The following RCAN2 variants were observed in gnomAD, a reference collection of about 807,000 sequenced individuals.
RCAN2 encodes calcipressin-2.
Under a neutral mutation model 23.6 loss-of-function variants are expected in RCAN2, and 9 were observed. That is an observed-to-expected ratio of 0.38 (90% CI 0.23 to 0.67). The LOEUF (loss-of-function observed/expected upper bound fraction) is 0.67, where lower values mean the gene tolerates loss of function less well. RCAN2 is among the 30% of genes least tolerant of loss of function. RCAN2 has a pLI of 0.51. For missense variants in RCAN2, 273 were observed against 302.3 expected (o/e 0.90, Z 0.72); for synonymous variants, 109 against 115.7 (o/e 0.94, Z 0.37).
chr6:46,448,545 A>G (rs1767780209), intron 2 of RCAN2, among the ~76,000 whole-genome samples: 1 of 151,910 alleles, frequency 6.6e-6, no homozygotes, highest in Non-Finnish European at 1.5e-5. Flanking sequence ...TTATAGACCA[A>G]TATCCCTAAT....
chr6:46,414,528 A>G (rs2150409329), intron 2 of RCAN2, among the ~76,000 whole-genome samples: 1 of 152,302 alleles, frequency 6.6e-6, no homozygotes, highest in African/African-American at 2.4e-5. Flanking sequence ...TGTTTTTGTG[A>G]ACATATTTTT....
chr6:46,243,104 G>A (rs560260551), intron 4 of RCAN2, among the ~76,000 whole-genome samples: 1 of 152,202 alleles, frequency 6.6e-6, no homozygotes, highest in Non-Finnish European at 1.5e-5. Flanking sequence ...GGTTGGGAAG[G>A]GGGCAGAGAC....
chr6:46,277,324 T>C (rs1441785126), intron 2 of RCAN2, among the ~76,000 whole-genome samples: 1 of 152,178 alleles, frequency 6.6e-6, no homozygotes. Flanking sequence ...GTAAAAATTA[T>C]TTTCTCATAG....
At chr6:46,412,516 T>C (rs1454974719) in intron 2 of RCAN2, among the ~76,000 whole-genome samples, 1 of 152,032 alleles carries the variant, frequency 6.6e-6, no homozygotes, top group African/African-American at 2.4e-5. Context: ...CAATAACTTC[T>C]CCAAGGGGCA....
rs537964077 is a variant in RCAN2 at position 46,328,826 on chromosome 6, G to T, written c.226-79930C>A. 9.2e-5 allele frequency among the ~76,000 whole-genome samples: 14 copies of T among 152,296 alleles called. No homozygotes were observed. The South Asian group carries it at 2.1e-3, about 23-fold the overall frequency. On this transcript the variant is annotated intron_variant, in intron 2 of 4. Coordinates refer to ENST00000371374, the MANE Select transcript of RCAN2 (RefSeq NM_001251974.2). ...GGGTTTCACCATGTTGGCCAGGAGG[G>T]TCTCAATCTCTTGACCTCATGATCC...
intron 2 of RCAN2, among the ~76,000 whole-genome samples, chr6:46,271,924 A>G (rs1479861716): frequency 6.6e-6 from 1 of 152,232 alleles, no homozygotes; most frequent in Non-Finnish European, 1.5e-5. Flanking sequence ...TATAATGAGC[A>G]GCCAAGTAGG....
At chr6:46,364,015 A>C (rs897546411) in intron 2 of RCAN2, among the ~76,000 whole-genome samples, 1 of 152,184 alleles carries the variant, frequency 6.6e-6, no homozygotes, top group Non-Finnish European at 1.5e-5. Context: ...AATTCACTGA[A>C]TCTTAAATCG....
intron 2 of RCAN2, among the ~76,000 whole-genome samples, chr6:46,383,825 G>C (rs1414119193): frequency 1.3e-5 from 2 of 152,094 alleles, no homozygotes; most frequent in Non-Finnish European, 2.9e-5. Flanking sequence ...TATCTCAAAT[G>C]CTAAGTATTA....
At chr6:46,308,989 G>T (rs1763168713) in intron 2 of RCAN2, among the ~76,000 whole-genome samples, 1 of 152,070 alleles carries the variant, frequency 6.6e-6, no homozygotes, top group South Asian at 2.1e-4. Flanking sequence ...TTGACTTAAA[G>T]CCTTAATTAA....
At chr6:46,263,455 G>GTGTGTGTGTGTGTGTGTGTA in intron 2 of RCAN2, among the ~76,000 whole-genome samples, 1 of 48,928 alleles carries the variant, frequency 2.0e-5, no homozygotes, top group African/African-American at 9.7e-5. Context: ...ATCAGAGAGT[G>GTGTGTGTGTGTGTGTGTGTA]TGTGTGTGTG....
At chr6:46,371,607 G>T (rs1450078836) in intron 2 of RCAN2, among the ~76,000 whole-genome samples, 3 of 152,198 alleles carry the variant, frequency 2.0e-5, no homozygotes, top group Non-Finnish European at 4.4e-5. Context: ...TACTAAAACT[G>T]GTTTGAACAT....
intron 2 of RCAN2, 137 bp from the exon 3 acceptor site, chr6:46,249,033 T>G: frequency 1.7e-6 from 1 of 589,366 alleles, no homozygotes; most frequent in Non-Finnish European, 2.8e-6. Flanking sequence ...AGTAATGTAT[T>G]TTTTTCATCT....
chr6:46,455,578 C>T (rs958428500), intron 2 of RCAN2, among the ~76,000 whole-genome samples: 3 of 151,820 alleles, frequency 2.0e-5, no homozygotes, highest in African/African-American at 4.8e-5. Context: ...AAGCCTCAGC[C>T]GGGCGCAGTG....
chr6:46,267,656 C>T (rs950746179), intron 2 of RCAN2, among the ~76,000 whole-genome samples: 2 of 152,072 alleles, frequency 1.3e-5, no homozygotes, highest in African/African-American at 4.8e-5. Flanking sequence ...GCCTGGGGAA[C>T]AGAGTGAGAC....
chr6:46,270,469 G>C (rs1227236244), intron 2 of RCAN2, among the ~76,000 whole-genome samples: 1 of 152,196 alleles, frequency 6.6e-6, no homozygotes, highest in East Asian at 1.9e-4. Context: ...GTGGGCCCCA[G>C]AGTCAGACTG....
intron 2 of RCAN2, among the ~76,000 whole-genome samples, chr6:46,307,108 A>C (rs537708045): frequency 2.0e-5 from 3 of 152,204 alleles, no homozygotes; most frequent in Non-Finnish European, 4.4e-5. Flanking sequence ...GTGGTTCCAA[A>C]TCCCTATCTA....
At chr6:46,465,552 G>C (rs1168822271) in intron 1 of RCAN2, among the ~76,000 whole-genome samples, 1 of 152,232 alleles carries the variant, frequency 6.6e-6, no homozygotes, top group Non-Finnish European at 1.5e-5. Flanking sequence ...GGAGAGAACA[G>C]ACGGCTGTGT....
intron 2 of RCAN2, among the ~76,000 whole-genome samples, chr6:46,306,591 T>C (rs1335740763): frequency 6.6e-6 from 1 of 152,174 alleles, no homozygotes; most frequent in Non-Finnish European, 1.5e-5. Flanking sequence ...TAAACTGTTA[T>C]ATTAACATTT....
At chr6:46,399,468 A>G (rs1258524145) in intron 2 of RCAN2, among the ~76,000 whole-genome samples, 1 of 150,574 alleles carries the variant, frequency 6.6e-6, no homozygotes, top group Non-Finnish European at 1.5e-5. Flanking sequence ...GGCAAGGTGT[A>G]TTTGTTTCTC....
Sources: allele counts gnomAD v4.1 joint callset (sites outside exome capture counted in the v4.1 genomes callset), GRCh38; gene constraint gnomAD v4.1.1; transcripts MANE v1.5; gene names NCBI Gene and HGNC (gene_info 2026-07-23, HGNC 2026-07-21).